Variants in SP4 observed in about 807,000 individuals in gnomAD.
The protein encoded by SP4 is Sp4 transcription factor.
In SP4, 19 loss-of-function variants were observed where a neutral mutation model predicts 72.8. That is an observed-to-expected ratio of 0.26 (90% confidence interval 0.18 to 0.38). SP4 has a LOEUF of 0.38. SP4 is among the 10% of genes least tolerant of loss of function. SP4 has a pLI of 1.00. For missense variants in SP4, 1,008 were observed against 926.3 expected (o/e 1.09, Z -1.14); for synonymous variants, 395 against 333.1 (o/e 1.19, Z -2.02).
chr7:21,460,607 C>G (rs367639131), intron 3 of SP4, among the ~76,000 whole-genome samples: 8 of 152,160 alleles, frequency 5.3e-5, no homozygotes, highest in Non-Finnish European at 8.8e-5. Context: ...TTATCTGGCC[C>G]CACCCACATC....
intron 3 of SP4, among the ~76,000 whole-genome samples, chr7:21,463,983 C>G (rs1583411041): frequency 6.6e-6 from 1 of 152,130 alleles, no homozygotes; most frequent in Non-Finnish European, 1.5e-5. Flanking sequence ...AATCATGTTA[C>G]TTTAGTGGGA....
chr7:21,489,237 A>T (rs181246603), intron 5 of SP4, among the ~76,000 whole-genome samples: 1 of 152,250 alleles, frequency 6.6e-6, no homozygotes, highest in African/African-American at 2.4e-5. Context: ...TGGGAATGAA[A>T]CTTCAATTTT....
intron 4 of SP4, among the ~76,000 whole-genome samples, chr7:21,480,950 G>A (rs181778869): frequency 4.6e-5 from 7 of 152,236 alleles, no homozygotes; most frequent in African/African-American, 9.6e-5. Flanking sequence ...CTTTTGAACC[G>A]GGGGTTGAGA....
In SP4 at chr7:21,514,666, A is replaced by C. The variant is rs754945665; in HGVS notation, c.*3397A>C. ...ATTTTTACAGTGCTGATTTGTATAA[A>C]ATTTGTTTTTTGTGGATTTGGAAAT... On this transcript the variant is annotated 3_prime_UTR_variant, in exon 6 of 6. Coordinates refer to ENST00000222584, the MANE Select transcript of SP4 (RefSeq NM_003112.5). 3 of 152,156 alleles carry C rather than the reference A, an allele frequency of 2.0e-5. No homozygotes were observed. The highest frequency in any genetic ancestry group is 4.4e-5 in the Non-Finnish European group (3 of 68,026). 9.4% of individuals were successfully genotyped at this position (152,156 alleles called of 1,614,324 possible).
At chr7:21,452,783 ATTTTTTTT>A (rs1210906365) in intron 3 of SP4, among the ~76,000 whole-genome samples, 1 of 136,900 alleles carries the variant, frequency 7.3e-6, no homozygotes, top group Non-Finnish European at 1.6e-5. Context: ...TTTACTCATT[ATTTTTTTT>A]TTTTTTTTTG....
chr7:21,495,300 C>G (rs958990684), intron 5 of SP4, among the ~76,000 whole-genome samples: 4 of 151,998 alleles, frequency 2.6e-5, no homozygotes, highest in African/African-American at 9.7e-5. Flanking sequence ...AAACTCTTAA[C>G]AGATACAGAT....
intron 3 of SP4, among the ~76,000 whole-genome samples, chr7:21,447,838 C>G (rs965192038): frequency 5.3e-5 from 8 of 152,106 alleles, no homozygotes; most frequent in Admixed American, 4.6e-4. Flanking sequence ...CATGTGCTAC[C>G]ACACCCGGCT....
chr7:21,498,827 T>C (rs1781789982), intron 5 of SP4, among the ~76,000 whole-genome samples: 1 of 152,170 alleles, frequency 6.6e-6, no homozygotes, highest in Admixed American at 6.5e-5. Context: ...GGCTCACGCC[T>C]GTAATCCCAG....
chr7:21,510,088 G>A (rs185887697), intron 5 of SP4, among the ~76,000 whole-genome samples: 23 of 152,266 alleles, frequency 1.5e-4, no homozygotes, highest in African/African-American at 4.8e-4. Flanking sequence ...CCATTATTCA[G>A]TTATCTCCCA....
intron 5 of SP4, among the ~76,000 whole-genome samples, chr7:21,499,794 G>A (rs756190774): frequency 4.6e-5 from 7 of 152,144 alleles, no homozygotes; most frequent in Admixed American, 1.3e-4. Context: ...AATAGCATTA[G>A]TAATTTAAAA....
At chr7:21,486,197 G>A (rs1361648594) in intron 5 of SP4, among the ~76,000 whole-genome samples, 1 of 150,238 alleles carries the variant, frequency 6.7e-6, no homozygotes, top group Non-Finnish European at 1.5e-5. Context: ...TTCTGTAGGT[G>A]ACCTGATTTC....
chr7:21,489,377 G>A (rs555748832), intron 5 of SP4, among the ~76,000 whole-genome samples: 2 of 152,120 alleles, frequency 1.3e-5, no homozygotes, highest in South Asian at 2.1e-4. Context: ...CCAGAACGCA[G>A]TGATGTGATC....
rs1246852284 is a variant in SP4 at position 21,511,017 on chromosome 7, T to C, written c.2108-5T>C. On this transcript the variant is annotated splice_polypyrimidine_tract_variant and splice_region_variant and intron_variant, in intron 5 of 5. Transcript: ENST00000222584. Reference sequence around the variant, plus strand: ...TATAACGCCATTTACTGTTTTTCTATGTAGGTGAAAAGAGATTTGAATGCC... The same window carrying C: ...TATAACGCCATTTACTGTTTTTCTACGTAGGTGAAAAGAGATTTGAATGCC... 6.3e-7 allele frequency: 1 copy of C among 1,594,524 alleles called. No homozygotes were observed. Among genetic ancestry groups the C allele is most frequent in the East Asian group, 2.2e-5 (1 of 44,536 alleles).
chr7:21,482,985 G>A (rs1784726855), intron 5 of SP4, among the ~76,000 whole-genome samples: 1 of 152,036 alleles, frequency 6.6e-6, no homozygotes, highest in Admixed American at 6.6e-5. Flanking sequence ...TGTGAGAAGT[G>A]GAATTATTGG....
At chr7:21,433,785 A>G (rs1174827915) in intron 3 of SP4, among the ~76,000 whole-genome samples, 8 of 152,128 alleles carry the variant, frequency 5.3e-5, no homozygotes, top group African/African-American at 1.9e-4. Flanking sequence ...TACTAAAAAT[A>G]CAGAATTAGC....
chr7:21,489,558 T>C (rs1784917092), intron 5 of SP4, among the ~76,000 whole-genome samples: 1 of 20,084 alleles, frequency 5.0e-5, no homozygotes, highest in Non-Finnish European at 1.0e-4. Flanking sequence ...TTTTTCTTTT[T>C]TTTTTTTTTT....
chr7:21,499,219 A>G (rs563087306), intron 5 of SP4, among the ~76,000 whole-genome samples: 2 of 152,310 alleles, frequency 1.3e-5, no homozygotes, highest in East Asian at 1.9e-4. Context: ...AGGAAGAGAA[A>G]GGATCGGTCT....
intron 5 of SP4, among the ~76,000 whole-genome samples, chr7:21,486,088 C>G (rs969077780): frequency 4.0e-5 from 6 of 151,652 alleles, no homozygotes; most frequent in African/African-American, 1.5e-4. Flanking sequence ...ATACAGTATT[C>G]TAGATTGAAA....
At chr7:21,486,920 C>G (rs886424927) in intron 5 of SP4, among the ~76,000 whole-genome samples, 1 of 152,130 alleles carries the variant, frequency 6.6e-6, no homozygotes, top group Non-Finnish European at 1.5e-5. Context: ...GGCTTTTTTA[C>G]AAATAAAATA....
Sources: gnomAD v4.1 joint callset for allele counts (sites outside exome capture counted in the v4.1 genomes callset) on GRCh38, gnomAD v4.1.1 for gene constraint, MANE v1.5 for transcripts, NCBI Gene and HGNC (gene_info 2026-07-23, HGNC 2026-07-21) for gene names.